Variants in LAMA4 observed in about 807,000 individuals in gnomAD.
LAMA4 encodes laminin subunit alpha-4.
LAMA4 carries 127 observed loss-of-function variants against 207.1 expected under a neutral mutation model. That is an observed-to-expected ratio of 0.61 (90% CI 0.53 to 0.71). The LOEUF is 0.71. LAMA4 is among the 30% of genes least tolerant of loss of function. The probability of loss-of-function intolerance (pLI) is 0.00; values close to 1 mark genes in which losing one functional copy is unlikely to be tolerated. For synonymous variants in LAMA4, 761 were observed against 816.0 expected, an observed-to-expected ratio of 0.93 and a Z score of 1.15; for missense variants, 2,093 against 2,246.5, an observed-to-expected ratio of 0.93 and a Z score of 1.38.
intron 3 of LAMA4, among the ~76,000 whole-genome samples, chr6:112,211,326 A>T (rs1307707363): frequency 1.3e-5 from 2 of 152,208 alleles, no homozygotes; most frequent in South Asian, 4.1e-4. Context: ...TGACCCAAGT[A>T]TCTCATAACA....
chr6:112,200,261 G>T, intron 5 of LAMA4: 1 of 461,208 alleles, frequency 2.2e-6, no homozygotes, highest in Admixed American at 2.9e-5. Flanking sequence ...CATTTATGTG[G>T]CCAACAAACA....
chr6:112,155,305 TA>T (rs1780640465), intron 15 of LAMA4: 10 of 567,258 alleles, frequency 1.8e-5, no homozygotes, highest in East Asian at 6.0e-5. Flanking sequence ...TTTAAATACA[TA>T]TTTTTTTTTT....
At position 112,190,959 on chromosome 6, in the gene LAMA4, T is replaced by TCTTTCTTTC. The variant is rs1554348775; in HGVS notation, c.718+668_718+676dup. 1.6e-3 allele frequency among the ~76,000 whole-genome samples: 235 copies of TCTTTCTTTC among 143,168 alleles called. 3 individuals are homozygous for TCTTTCTTTC. Among genetic ancestry groups the TCTTTCTTTC allele is most frequent in the African/African-American group, 6.0e-3 (224 of 37,392 alleles). The allele number at this position is 143,168 out of a possible 152,430, so 93.9% of individuals were successfully genotyped here. On this transcript the variant is annotated intron_variant, in intron 6 of 38. Coordinates refer to ENST00000230538, the MANE Select transcript of LAMA4 (RefSeq NM_001105206.3). ...TCTTTCTTTCTTTCCTTTCTTTCTT[T>TCTTTCTTTC]CTTTCTTTCTTTCTTTCTTTCTTTC...
chr6:112,147,088 A>G (rs1554334677), intron 18 of LAMA4, among the ~76,000 whole-genome samples: 1 of 152,202 alleles, frequency 6.6e-6, no homozygotes, highest in Non-Finnish European at 1.5e-5. Flanking sequence ...TGAGAAAAGC[A>G]CAGTAAACAA....
At chr6:112,166,936 A>C (rs1206885053) in intron 12 of LAMA4, among the ~76,000 whole-genome samples, 2 of 152,196 alleles carry the variant, frequency 1.3e-5, no homozygotes, top group African/African-American at 4.8e-5. Flanking sequence ...AACAAAAAAC[A>C]GTCCTGGGAA....
intron 2 of LAMA4, among the ~76,000 whole-genome samples, chr6:112,226,401 G>T (rs1351146429): frequency 1.3e-5 from 2 of 152,018 alleles, no homozygotes; most frequent in Admixed American, 1.3e-4. Flanking sequence ...GCTTTGGCCC[G>T]CCTTGCCTTT....
chr6:112,209,913 G>C (rs890212800), intron 3 of LAMA4, among the ~76,000 whole-genome samples: 1 of 152,164 alleles, frequency 6.6e-6, no homozygotes, highest in Non-Finnish European at 1.5e-5. Context: ...TGGATCATGA[G>C]GGTTGTTTCT....
intron 14 of LAMA4, among the ~76,000 whole-genome samples, chr6:112,156,170 T>C (rs3798360): frequency 0.037 from 5,563 of 152,122 alleles, 307 homozygotes; most frequent in African/African-American, 0.12. Context: ...CCTGGCTGCA[T>C]CCTGGGCCTC....
chr6:112,186,137 C>T (rs1355567625), intron 8 of LAMA4, among the ~76,000 whole-genome samples: 1 of 152,196 alleles, frequency 6.6e-6, no homozygotes. Flanking sequence ...ATATCATTTG[C>T]ACCTCCAAAA....
chr6:112,248,209 T>C (rs1180339603), intron 2 of LAMA4, among the ~76,000 whole-genome samples: 1 of 152,222 alleles, frequency 6.6e-6, no homozygotes, highest in South Asian at 2.1e-4. Context: ...CCCTTAAAAA[T>C]AGTTCAAATG....
chr6:112,109,667 TTGC>T, intron 38 of LAMA4, 85 bp from the exon 39 acceptor site: 1 of 1,346,324 alleles, frequency 7.4e-7, no homozygotes, highest in Middle Eastern at 1.8e-4. Context: ...GTATACATAT[TTGC>T]TCATATCATC....
chr6:112,158,951 G>T (rs1780889645), intron 13 of LAMA4, 71 bp from the exon 14 acceptor site: 1 of 1,028,114 alleles, frequency 9.7e-7, no homozygotes, highest in Non-Finnish European at 1.5e-6. Context: ...GGCACCAAAA[G>T]ATAATCTCTG....
chr6:112,182,153 T>A (rs2114915762), intron 9 of LAMA4, among the ~76,000 whole-genome samples: 1 of 151,796 alleles, frequency 6.6e-6, no homozygotes, highest in African/African-American at 2.4e-5. Flanking sequence ...AGATGTTCAA[T>A]AATGCTTCTG....
Position 112,118,044 on chromosome 6 carries a change from T to C in LAMA4, c.4822-146A>G. Reference sequence around the variant, plus strand: ...GATATCTGAATGATCAGTACTTTCCTGGATAGTTGCTTTCTAACTGGTTGT... The same window carrying C: ...GATATCTGAATGATCAGTACTTTCCCGGATAGTTGCTTTCTAACTGGTTGT... On this transcript the variant is annotated intron_variant, in intron 34 of 38. Transcript: ENST00000230538. The surrounding 1 kb of genome is among the most constrained non-coding windows in gnomAD (Gnocchi z 4.6). 1 of 689,684 alleles carries C rather than the reference T, an allele frequency of 1.4e-6. No homozygotes were observed. Among genetic ancestry groups the C allele is most frequent in the Non-Finnish European group, 2.5e-6 (1 of 400,324 alleles). 42.7% of individuals were successfully genotyped at this position (689,684 alleles called of 1,614,324 possible).
Position 112,175,317 on chromosome 6 carries a change from G to A in LAMA4, c.1353C>T (p.Tyr451=), listed in dbSNP as rs782546070. The A allele has an allele frequency of 1.1e-4, 177 of 1,613,804 alleles. No homozygotes were observed. Among genetic ancestry groups the A allele is most frequent in the Non-Finnish European group, 1.3e-4 (159 of 1,179,900 alleles). ...CTATGAGAGGAATACACCTACGTTC[G>A]TAAGCCTCATCTGCCTCCTCATCCA... ...ELVDEEADEA[Y]ELLSQAESWQ... is the part of the protein sequence containing the mutation. Residue 451 remains tyrosine, a synonymous_variant, in exon 11 of 39, where the codon TAC becomes TAT. Coordinates refer to ENST00000230538, the MANE Select transcript of LAMA4 (RefSeq NM_001105206.3).
chr6:112,186,898 A>G (rs1290044318), intron 8 of LAMA4: 1 of 455,624 alleles, frequency 2.2e-6, no homozygotes, highest in African/African-American at 2.0e-5. Flanking sequence ...CTAGGTATTA[A>G]CCAGTAGAGC....
chr6:112,178,491 T>C (rs902346032), intron 9 of LAMA4: 1 of 438,276 alleles, frequency 2.3e-6, no homozygotes, highest in Admixed American at 3.5e-5. Context: ...GTAAGTTCTT[T>C]AGTGGTGATT....
chr6:112,228,318 C>T (rs919709956), intron 2 of LAMA4, among the ~76,000 whole-genome samples: 8 of 152,190 alleles, frequency 5.3e-5, no homozygotes, highest in Non-Finnish European at 4.4e-5. Context: ...TATATAATCT[C>T]TTCCTTTATG....
At position 112,155,628 on chromosome 6, in the gene LAMA4, A is replaced by T; in HGVS notation, c.1896T>A (p.Asn632Lys). The T allele has an allele frequency of 6.2e-7, 1 of 1,614,074 alleles. No homozygotes were observed. Among genetic ancestry groups the T allele is most frequent in the Non-Finnish European group, 8.5e-7 (1 of 1,179,946 alleles). The change falls in exon 15 of 39, where the codon AAT (asparagine) becomes AAA (lysine). Residue 632 changes from asparagine to lysine, a missense_variant. Transcript: ENST00000230538. ...DASNVYENIV[N>K]YVSEANETAE... ...CTGTTTCATTGGCTTCACTAACATAATTAACAATATTTTCATAGACATTTG... is the reference window on the plus strand; with the variant it reads ...CTGTTTCATTGGCTTCACTAACATATTTAACAATATTTTCATAGACATTTG...
Sources: allele counts gnomAD v4.1 joint callset (sites outside exome capture counted in the v4.1 genomes callset), GRCh38; gene constraint gnomAD v4.1.1; non-coding constraint Gnocchi (gnomAD v3.1); transcripts MANE v1.5; gene names NCBI Gene and HGNC (gene_info 2026-07-23, HGNC 2026-07-21).